Variants in DCX observed in about 807,000 individuals in gnomAD.
The protein encoded by DCX is neuronal migration protein doublecortin.
DCX carries 4 observed loss-of-function variants against 20.9 expected under a neutral mutation model. The observed-to-expected ratio is 0.19, with a 90% confidence interval of 0.09 to 0.44. DCX has a LOEUF of 0.44. Among genes scored for constraint, DCX ranks in the 20% least tolerant of loss-of-function variants. The pLI is 0.99. For missense variants in DCX, 133 were observed against 296.9 expected (o/e 0.45, Z 4.06); for synonymous variants, 103 against 111.4 (o/e 0.92, Z 0.47).
At chrX:111,404,271 AG>A (rs1248459492) in intron 2 of DCX, among the ~76,000 whole-genome samples, 2 of 110,951 alleles carry the variant, frequency 1.8e-5, no homozygotes, top group Non-Finnish European at 3.8e-5. Flanking sequence ...GAAAAAAAAG[AG>A]AAAGTATCAA....
chrX:111,368,901 TACACACACAC>T (rs200777698), intron 3 of DCX, among the ~76,000 whole-genome samples: 3 of 98,264 alleles, frequency 3.1e-5, no homozygotes, highest in Admixed American at 2.2e-4. Context: ...TATATATACA[TACACACACAC>T]ACACACACAC....
chrX:111,386,224 C>T (rs776134827), intron 3 of DCX, among the ~76,000 whole-genome samples: 6 of 110,858 alleles, frequency 5.4e-5, no homozygotes, highest in Non-Finnish European at 9.4e-5. Flanking sequence ...TGCTGTCTGA[C>T]CTCAGGTCTC....
At chrX:111,303,542 G>T (rs2095038673) in intron 6 of DCX, among the ~76,000 whole-genome samples, 1 of 111,666 alleles carries the variant, frequency 9.0e-6, no homozygotes, top group Admixed American at 9.5e-5. Flanking sequence ...TGCTGAGAAA[G>T]AAGTGACAGG....
intron 6 of DCX, among the ~76,000 whole-genome samples, chrX:111,305,248 A>T (rs998095275): frequency 8.9e-6 from 1 of 112,179 alleles, no homozygotes; most frequent in Admixed American, 9.5e-5. Context: ...ATTAAAAAAA[A>T]TAGTAAATGC....
chrX:111,351,544 T>C (rs1417437975), intron 3 of DCX, among the ~76,000 whole-genome samples: 2 of 112,172 alleles, frequency 1.8e-5, no homozygotes, highest in Non-Finnish European at 1.9e-5. Context: ...GAGTTTGCAA[T>C]TAAGTGGAAT....
At chrX:111,396,221 C>T (rs984426140) in intron 3 of DCX, among the ~76,000 whole-genome samples, 1 of 112,124 alleles carries the variant, frequency 8.9e-6, no homozygotes, top group Non-Finnish European at 1.9e-5. Flanking sequence ...ATCTTGGAAT[C>T]GGCTTAAACC....
chrX:111,335,346 T>C (rs1921623036), intron 3 of DCX, among the ~76,000 whole-genome samples: 1 of 112,092 alleles, frequency 8.9e-6, no homozygotes, highest in African/African-American at 3.2e-5. Flanking sequence ...CTTCCTGTGG[T>C]TCCTTGTAGA....
At chrX:111,382,776 A>C (rs2147235753) in intron 3 of DCX, among the ~76,000 whole-genome samples, 1 of 111,865 alleles carries the variant, frequency 8.9e-6, no homozygotes, top group African/African-American at 3.2e-5. Context: ...TGTTCAAACA[A>C]GGTATGTGAA....
intron 6 of DCX, among the ~76,000 whole-genome samples, chrX:111,302,525 A>G (rs769406428): frequency 5.3e-5 from 6 of 112,360 alleles, no homozygotes; most frequent in Non-Finnish European, 1.1e-4. Context: ...AAGGAATGCC[A>G]TATTGCTTTC....
At position 111,330,515 on chromosome X, in the gene DCX, T is replaced by C. The variant is rs891424280; in HGVS notation, c.946+389A>G. Among the ~76,000 whole-genome samples the C allele has an allele frequency of 1.3e-4, 15 of 112,294 alleles. No individual in the cohort carries two copies. In the East Asian group the frequency reaches 3.6e-3, roughly 27 times the overall value. ...ATTTGAAGCTCAAGTGAGTCAACTA[T>C]GTTGACACTTTGGGGTGTTGTTTTT... On this transcript the variant is annotated intron_variant, in intron 5 of 6. Transcript: ENST00000636035.
At chrX:111,327,130 C>A (rs998281416) in intron 5 of DCX, among the ~76,000 whole-genome samples, 6 of 111,910 alleles carry the variant, frequency 5.4e-5, no homozygotes, top group Non-Finnish European at 1.1e-4. Context: ...TTTCTTTTGT[C>A]TTCAAAGGAA....
intron 6 of DCX, among the ~76,000 whole-genome samples, chrX:111,304,526 C>G (rs1018419194): frequency 9.0e-6 from 1 of 111,541 alleles, no homozygotes; most frequent in Admixed American, 9.5e-5. Context: ...TACTGGAGGA[C>G]ACAATTGGGG....
intron 3 of DCX, among the ~76,000 whole-genome samples, chrX:111,377,181 CTGCAAAAAATCAGCAGCAGCTA>C (rs1243076780): frequency 9.0e-6 from 1 of 111,710 alleles, no homozygotes; most frequent in Non-Finnish European, 1.9e-5. Flanking sequence ...ATTTGAAGAG[CTGCAAAAAATCAGCAGCAGCTA>C]AACTGGTACC....
At chrX:111,354,076 G>T (rs757411539) in intron 3 of DCX, among the ~76,000 whole-genome samples, 1 of 111,438 alleles carries the variant, frequency 9.0e-6, no homozygotes, top group African/African-American at 3.3e-5. Flanking sequence ...ACAGTAACTG[G>T]TTACTGGGAA....
intron 3 of DCX, among the ~76,000 whole-genome samples, chrX:111,355,725 C>T (rs898510949): frequency 1.8e-5 from 2 of 111,462 alleles, no homozygotes; most frequent in Non-Finnish European, 3.8e-5. Context: ...GAAAGGAAGA[C>T]AGACAAGGGA....
At chrX:111,320,331 G>A (rs1468303230) in intron 5 of DCX, among the ~76,000 whole-genome samples, 5 of 112,289 alleles carry the variant, frequency 4.5e-5, no homozygotes, top group Non-Finnish European at 1.9e-5. Context: ...TCACATAAAT[G>A]TCAAGTAAAA....
intron 3 of DCX, among the ~76,000 whole-genome samples, chrX:111,336,906 G>A (rs1323249739): frequency 9.0e-6 from 1 of 110,915 alleles, no homozygotes; most frequent in African/African-American, 3.3e-5. Flanking sequence ...AGTATATGGT[G>A]GAGAAGGAGG....
At chrX:111,315,232 G>A (rs2095067394) in intron 5 of DCX, among the ~76,000 whole-genome samples, 1 of 101,721 alleles carries the variant, frequency 9.8e-6, no homozygotes, top group Non-Finnish European at 2.0e-5. Flanking sequence ...AAATTTACAA[G>A]AAAAAAACAA....
intron 5 of DCX, 98 bp from the exon 6 acceptor site, chrX:111,312,834 A>G (rs1161021526): frequency 2.4e-6 from 2 of 818,863 alleles, no homozygotes; most frequent in Admixed American, 2.5e-5. Context: ...CATTCAAACA[A>G]GGTACACAGA....
Sources: gnomAD v4.1 joint callset for allele counts (sites outside exome capture counted in the v4.1 genomes callset) on GRCh38, gnomAD v4.1.1 for gene constraint, MANE v1.5 for transcripts, NCBI Gene and HGNC (gene_info 2026-07-23, HGNC 2026-07-21) for gene names.